CDH16: variants seen among roughly 807,000 people sequenced by gnomAD.
CDH16 encodes cadherin-16.
A neutral mutation model predicts 87.6 loss-of-function variants in CDH16; 79 were observed. That is an observed-to-expected ratio of 0.90 (90% CI 0.75 to 1.09). The LOEUF (loss-of-function observed/expected upper bound fraction) is 1.09, where lower values mean the gene tolerates loss of function less well. Among genes scored for constraint, CDH16 ranks in the 50% least tolerant of loss-of-function variants. The pLI, the probability that CDH16 is intolerant of heterozygous loss-of-function variation, is 0.00. For missense variants in CDH16, 1,124 were observed against 1,071.7 expected, an observed-to-expected ratio of 1.05 and a Z score of -0.68; for synonymous variants, 457 against 439.5, an observed-to-expected ratio of 1.04 and a Z score of -0.50.
In CDH16 at chr16:66,909,715, G is replaced by A. The variant is rs1419788946; in HGVS notation, c.2275+271C>T. 2.0e-5 allele frequency among the ~76,000 whole-genome samples: 3 copies of A among 152,170 alleles called. No homozygotes were observed. Among genetic ancestry groups the A allele is most frequent in the African/African-American group, 7.2e-5 (3 of 41,422 alleles). ...GGAGGCTAAGGCAGAAGAATTGCTT[G>A]AATCTGGGAGGCGGAAGTTGTAGTG... On this transcript the variant is annotated intron_variant, in intron 16 of 17. Coordinates refer to ENST00000299752, the MANE Select transcript of CDH16 (RefSeq NM_004062.4). This position sits in a 1 kb window ranked among gnomAD's most constrained non-coding sequence, Gnocchi z 4.1.
rs1488597350 is a variant in CDH16 at position 66,910,052 on chromosome 16, G to C, written c.2209C>G (p.Pro737Ala). ...YLTLALHWVEPREHIIPVVVS... is the reference protein window; with the variant it reads ...YLTLALHWVEAREHIIPVVVS... ...ACCACGGGGATTATGTGTTCACGTGGCTCCACCCAATGCAGGGCCAAGGTG... is the reference window on the plus strand; with the variant it reads ...ACCACGGGGATTATGTGTTCACGTGCCTCCACCCAATGCAGGGCCAAGGTG... The change falls in exon 16 of 18, where the codon CCA (proline) becomes GCA (alanine). Residue 737 changes from proline to alanine, a missense_variant. Physicochemically the swap from Pro to Ala is conservative, Grantham distance 27 (BLOSUM62 -1). Transcript: ENST00000299752. 1 of 1,612,986 alleles carries C rather than the reference G, an allele frequency of 6.2e-7. No individual in the cohort carries two copies. Among genetic ancestry groups the C allele is most frequent in the Non-Finnish European group, 8.5e-7 (1 of 1,179,388 alleles).
chr16:66,915,710 A>G (rs1962648051), intron 5 of CDH16, among the ~76,000 whole-genome samples: 4 of 152,134 alleles, frequency 2.6e-5, no homozygotes, highest in Admixed American at 1.3e-4. Context: ...CTGGCCAACA[A>G]GGCGAAACCC....
rs77096866 is a variant in CDH16, at chr16:66,912,845, G to C, written c.1101C>G (p.Gly367=). The C allele has an allele frequency of 5.7e-3, 9,137 of 1,613,462 alleles. 511 individuals are homozygous for C. In the East Asian group the frequency reaches 0.14, roughly 24 times the overall value. ...RLSAEDADAP[G]SPNSHVVYQL... The stretch of plus-strand genomic sequence containing the variant: ...GATACACAACGTGGGAATTGGGGGA[G>C]CCGGGGGCATCTGCATCCTCTGCTG... The change falls in exon 10 of 18, where the codon GGC becomes GGG. Residue 367 remains glycine (G), a synonymous_variant. Coordinates refer to ENST00000299752, the MANE Select transcript of CDH16 (RefSeq NM_004062.4).
In CDH16 at chr16:66,914,017, G is replaced by A. The variant is rs527981628; in HGVS notation, c.780+199C>T. 1.4e-4 allele frequency among the ~76,000 whole-genome samples: 21 copies of A among 152,360 alleles called. No homozygotes were observed. The South Asian group carries it at 4.3e-3, about 32-fold the overall frequency. ...GAGCACAGAGTCACGCCTGCTAGAG[G>A]ATGGCAGAGCAGGCGAGGGGCTGTG... On this transcript the variant is annotated intron_variant, in intron 7 of 17. Transcript: ENST00000299752.
intron 5 of CDH16, 137 bp from the exon 6 acceptor site, chr16:66,915,515 C>A: frequency 1.1e-6 from 1 of 937,468 alleles, no homozygotes; most frequent in Non-Finnish European, 1.5e-6. Flanking sequence ...CACGGCTTTT[C>A]GTCCTACTTC....
chr16:66,909,862 G>A lies in CDH16; in HGVS notation c.2275+124C>T. ...CAGGTATGTGTGCCCAGCCATAGGT[G>A]TGCAAGTGTGCACAGGCATGTGCTG... On this transcript the variant is annotated intron_variant, in intron 16 of 17. Transcript: ENST00000299752. The surrounding 1 kb of genome is among the most constrained non-coding windows in gnomAD (Gnocchi z 4.1). 1.4e-6 allele frequency: 1 copy of A among 704,184 alleles called. No homozygotes were observed. The highest frequency in any genetic ancestry group is 2.5e-6 in the Non-Finnish European group (1 of 407,202). 43.6% of individuals were successfully genotyped at this position (704,184 alleles called of 1,614,324 possible).
In CDH16 at chr16:66,912,851, G is replaced by A. The variant is rs375555201; in HGVS notation, c.1095C>T (p.Ala365=). The A allele has an allele frequency of 1.2e-6, 2 of 1,613,262 alleles. No individual in the cohort carries two copies. The highest frequency in any genetic ancestry group is 1.7e-6 in the Non-Finnish European group (2 of 1,180,024). The change falls in exon 10 of 18, where the codon GCC becomes GCT. Residue 365 remains alanine, a synonymous_variant. Coordinates refer to ENST00000299752, the MANE Select transcript of CDH16 (RefSeq NM_004062.4). ...VTRLSAEDAD[A]PGSPNSHVVY... is the part of the protein sequence containing the mutation. ...CAACGTGGGAATTGGGGGAGCCGGG[G>A]GCATCTGCATCCTCTGCTGACAGTC...
In CDH16 at chr16:66,917,706, G is replaced by T. The variant is rs1311422002; in HGVS notation, c.65C>A (p.Pro22His). 1 of 1,612,734 alleles carries T rather than the reference G, an allele frequency of 6.2e-7. No individual in the cohort carries two copies. Among genetic ancestry groups the T allele is most frequent in the Admixed American group, 1.7e-5 (1 of 59,824 alleles). ...TGGAACTTCCACAGACAGCTCTGCAGGCTGGGCCTTGGGGAGAGCCTGTGG... is the reference window on the plus strand; with the variant it reads ...TGGAACTTCCACAGACAGCTCTGCATGCTGGGCCTTGGGGAGAGCCTGTGG... ...SVPQALPKAQ[P>H]AELSVEVPEN... Residue 22 changes from proline (P) to histidine (H), a missense_variant, in exon 3 of 18, where the codon CCT becomes CAT. Coordinates refer to ENST00000299752, the MANE Select transcript of CDH16 (RefSeq NM_004062.4).
Position 66,908,145 on chromosome 16 carries a change from C to T in CDH16, c.*247G>A, listed in dbSNP as rs1161816184. The T allele has an allele frequency of 2.5e-5, 14 of 549,550 alleles. No individual in the cohort carries two copies. The East Asian group carries it at 4.2e-4, about 16-fold the overall frequency. 34.0% of individuals were successfully genotyped at this position (549,550 alleles called of 1,614,324 possible). On this transcript the variant is annotated 3_prime_UTR_variant, in exon 18 of 18. Coordinates refer to ENST00000299752, the MANE Select transcript of CDH16 (RefSeq NM_004062.4). ...CATACCAATCCCATAGGGCCCAGCCCAGTTCTCTGGGGCTTTATTATTGGG... is the reference window on the plus strand; with the variant it reads ...CATACCAATCCCATAGGGCCCAGCCTAGTTCTCTGGGGCTTTATTATTGGG...
chr16:66,917,564 G>A, intron 3 of CDH16, 78 bp downstream of exon 3: 1 of 981,182 alleles, frequency 1.0e-6, no homozygotes, highest in Non-Finnish European at 1.6e-6. Flanking sequence ...ACAGCAAGAG[G>A]AAGGGTGCCA....
Position 66,917,674 on chromosome 16 carries a change from A to C in CDH16, c.97T>G (p.Tyr33Asp), listed in dbSNP as rs1382554084. The C allele has an allele frequency of 1.2e-6, 2 of 1,613,544 alleles. No homozygotes were observed. The highest frequency in any genetic ancestry group is 1.7e-6 in the Non-Finnish European group (2 of 1,179,800). ...AELSVEVPEN[Y>D]GGNFPLYLTK... ...AGGTATAAAGGGAAATTTCCACCAT[A>C]GTTTTCTGGAACTTCCACAGACAGC... The change falls in exon 3 of 18, where the codon TAT becomes GAT. Residue 33 changes from tyrosine to aspartate, a missense_variant. Coordinates refer to ENST00000299752, the MANE Select transcript of CDH16 (RefSeq NM_004062.4).
rs1351496151 is a variant in CDH16, at chr16:66,909,910, A to G, written c.2275+76T>C. ...CTGTCCACATGAGCAGCCTGTATGC[A>G]TGTGTACCAGCTCCCTCCCCTTGCA... On this transcript the variant is annotated intron_variant, in intron 16 of 17. Coordinates refer to ENST00000299752, the MANE Select transcript of CDH16 (RefSeq NM_004062.4). The surrounding 1 kb of genome is among the most constrained non-coding windows in gnomAD (Gnocchi z 4.1). The G allele has an allele frequency of 1.4e-5, 15 of 1,066,580 alleles. No individual in the cohort carries two copies. The highest frequency in any genetic ancestry group is 1.8e-5 in the Non-Finnish European group (13 of 712,152). 66.1% of individuals were successfully genotyped at this position (1,066,580 alleles called of 1,614,324 possible).
In CDH16 at chr16:66,911,231, G is replaced by A. The variant is rs779868205; in HGVS notation, c.1875C>T (p.Gly625=). Residue 625 remains glycine (G), a synonymous_variant, in exon 14 of 18, where the codon GGC becomes GGT. Coordinates refer to ENST00000299752, the MANE Select transcript of CDH16 (RefSeq NM_004062.4). ...CCGTGTAGGTGTCCCCAGGCTGGGC[G>A]CCCTGCAGGGACTGGGCGGTGTGCA... The part of the protein sequence containing the change: ...GEVHTAQSLQ[G]AQPGDTYTVL... 5 of 1,613,448 alleles carry A rather than the reference G, an allele frequency of 3.1e-6. No individual in the cohort carries two copies. Among genetic ancestry groups the A allele is most frequent in the South Asian group, 1.1e-5 (1 of 90,982 alleles).
At position 66,915,935 on chromosome 16, in the gene CDH16, A is replaced by G. The variant is rs1596984745; in HGVS notation, c.424+130T>C. On this transcript the variant is annotated intron_variant, in intron 5 of 17. Transcript: ENST00000299752. ...AAAAAGAAAAGAAAAAAGAGAAAAGAAAAGAAAAAAGAAATGGGACAGAAA... is the reference window on the plus strand; with the variant it reads ...AAAAAGAAAAGAAAAAAGAGAAAAGGAAAGAAAAAAGAAATGGGACAGAAA... The G allele has an allele frequency of 4.7e-6, 5 of 1,057,714 alleles. No homozygotes were observed. The East Asian group carries it at 1.3e-4, about 27-fold the overall frequency. The allele number at this position is 1,057,714 out of a possible 1,614,324, so 65.5% of individuals were successfully genotyped here. A position where few individuals can be genotyped will look rare whatever the true frequency, so the allele number is the denominator to read the frequency against.
chr16:66,918,040 A>G lies in CDH16; in HGVS notation c.26T>C (p.Leu9Pro). The G allele has an allele frequency of 6.3e-7, 1 of 1,585,046 alleles. No individual in the cohort carries two copies. Residue 9 changes from leucine (L) to proline (P), a missense_variant, in exon 2 of 18, where the codon CTT (leucine) becomes CCT (proline). By Grantham distance (98) the Leu-to-Pro change is moderately conservative. Coordinates refer to ENST00000299752, the MANE Select transcript of CDH16 (RefSeq NM_004062.4). MVPAWLWL[L>P]CVSVPQALPK... ...GCTCACCTGGGGGACGGAGACACAAAGCAGCCACAGCCAGGCAGGGACCAT... is the reference window on the plus strand; with the variant it reads ...GCTCACCTGGGGGACGGAGACACAAGGCAGCCACAGCCAGGCAGGGACCAT...
Position 66,911,940 on chromosome 16 carries a change from C to A in CDH16, c.1749G>T (p.Leu583=). The A allele has an allele frequency of 6.2e-7, 1 of 1,612,026 alleles. No individual in the cohort carries two copies. Among genetic ancestry groups the A allele is most frequent in the Non-Finnish European group, 8.5e-7 (1 of 1,178,436 alleles). The part of the protein sequence containing the change: ...VPISAPAGSF[L]LTIQPSDPIS... ...TGGGGTCGGAGGGCTGGATGGTCAGCAGGAAAGAGCCGGCTGGGGCACTGA... is the reference window on the plus strand; with the variant it reads ...TGGGGTCGGAGGGCTGGATGGTCAGAAGGAAAGAGCCGGCTGGGGCACTGA... Residue 583 remains leucine, a synonymous_variant, in exon 13 of 18, where the codon CTG becomes CTT. Coordinates refer to ENST00000299752, the MANE Select transcript of CDH16 (RefSeq NM_004062.4).
chr16:66,911,675 G>A (rs1962422004), intron 13 of CDH16, among the ~76,000 whole-genome samples: 1 of 152,188 alleles, frequency 6.6e-6, no homozygotes. Context: ...CCCTCCAGGT[G>A]CTGAGGCATA....
intron 2 of CDH16, 36 bp downstream of exon 2, chr16:66,917,985 C>G (rs375204785): frequency 1.7e-5 from 26 of 1,543,728 alleles, no homozygotes; most frequent in Non-Finnish European, 1.9e-5. Context: ...CCCCCAAAGC[C>G]AAGACCTGAA....
intron 13 of CDH16, 110 bp downstream of exon 13, chr16:66,911,789 T>G: frequency 1.5e-6 from 2 of 1,342,770 alleles, no homozygotes; most frequent in Non-Finnish European, 1.0e-6. Flanking sequence ...TGCCATAGTT[T>G]GAGAAATTTT....
Sources: gnomAD v4.1 joint callset for allele counts (sites outside exome capture counted in the v4.1 genomes callset) on GRCh38, gnomAD v4.1.1 for gene constraint, Gnocchi (gnomAD v3.1) non-coding constraint, MANE v1.5 for transcripts, NCBI Gene and HGNC (gene_info 2026-07-23, HGNC 2026-07-21) for gene names.